PRKCQ: variants seen among roughly 807,000 people sequenced by gnomAD.
PRKCQ encodes protein kinase C theta.
PRKCQ carries 41 observed loss-of-function variants against 91.2 expected under a neutral mutation model. The observed-to-expected ratio is 0.45, with a 90% CI of 0.35 to 0.58. PRKCQ has a LOEUF of 0.58. PRKCQ is among the 20% of genes least tolerant of loss of function. The pLI, the probability that PRKCQ is intolerant of heterozygous loss-of-function variation, is 0.00. For missense variants in PRKCQ, 673 were observed against 896.5 expected (o/e 0.75, Z 3.18); for synonymous variants, 307 against 316.9 (o/e 0.97, Z 0.33).
chr10:6,456,572 G>T, intron 15 of PRKCQ, 102 bp downstream of exon 15: 1 of 1,431,040 alleles, frequency 7.0e-7, no homozygotes, highest in Non-Finnish European at 9.4e-7. Context: ...TACAAATCTT[G>T]AATGAAGATA....
chr10:6,562,601 C>A (rs2130958061), intron 1 of PRKCQ, among the ~76,000 whole-genome samples: 1 of 152,304 alleles, frequency 6.6e-6, no homozygotes, highest in African/African-American at 2.4e-5. Flanking sequence ...TCAAAACCCA[C>A]TTCTCAGAAT....
chr10:6,453,279 C>A (rs540527676), intron 15 of PRKCQ, among the ~76,000 whole-genome samples: 4 of 152,254 alleles, frequency 2.6e-5, no homozygotes, highest in Non-Finnish European at 5.9e-5. Context: ...AGACACTTCT[C>A]AAAAGAAGAC....
chr10:6,556,216 G>A (rs561142857), intron 1 of PRKCQ, among the ~76,000 whole-genome samples: 30 of 152,204 alleles, frequency 2.0e-4, no homozygotes, highest in Non-Finnish European at 3.7e-4. Flanking sequence ...GATCACTTGA[G>A]GCCAGGGGTT....
chr10:6,485,890 G>A, intron 9 of PRKCQ, 145 bp downstream of exon 9: 2 of 626,244 alleles, frequency 3.2e-6, no homozygotes, highest in Non-Finnish European at 2.8e-6. Flanking sequence ...GTGTGGGCAT[G>A]GATATGAAAG....
the PRKCQ span, among the ~76,000 whole-genome samples, chr10:6,397,720 T>C: frequency 2.6e-5 from 4 of 152,150 alleles, no homozygotes; most frequent in Non-Finnish European, 2.9e-5. Flanking sequence ...AGGTCAGAGT[T>C]TGAGACCAGC....
At chr10:6,456,560 G>C (rs998805847) in intron 15 of PRKCQ, 114 bp downstream of exon 15, 2 of 1,369,878 alleles carry the variant, frequency 1.5e-6, no homozygotes, top group African/African-American at 2.9e-5. Context: ...TAAGAAAACA[G>C]GTACAAATCT....
chr10:6,469,574 T>C (rs1835854437), intron 12 of PRKCQ, among the ~76,000 whole-genome samples: 1 of 152,178 alleles, frequency 6.6e-6, no homozygotes, highest in Admixed American at 6.5e-5. Flanking sequence ...ATTTTCCAAT[T>C]AAATAAGTTG....
intron 12 of PRKCQ, among the ~76,000 whole-genome samples, chr10:6,467,389 C>CAGAG (rs1160599680): frequency 0.044 from 1,207 of 27,678 alleles, 184 homozygotes; most frequent in Middle Eastern, 0.068. Context: ...GAGAGACAGA[C>CAGAG]AGAGAGAGAG....
intron 16 of PRKCQ, among the ~76,000 whole-genome samples, chr10:6,435,979 T>C (rs1402469677): frequency 1.3e-5 from 2 of 152,152 alleles, no homozygotes; most frequent in Non-Finnish European, 2.9e-5. Context: ...TGGGCATTGG[T>C]GGCATGCACC....
chr10:6,481,966 ATT>A (rs1459777963), intron 11 of PRKCQ, among the ~76,000 whole-genome samples: 1 of 150,740 alleles, frequency 6.6e-6, no homozygotes, highest in African/African-American at 2.4e-5. Flanking sequence ...AATTTCTTAA[ATT>A]ATCTCTTCTT....
At chr10:6,432,376 T>C (rs1453089625) in intron 16 of PRKCQ, among the ~76,000 whole-genome samples, 1 of 152,032 alleles carries the variant, frequency 6.6e-6, no homozygotes, top group Admixed American at 6.6e-5. Context: ...TAAAGTGAAG[T>C]TTTTTCGCTT....
chr10:6,576,971 TTC>T lies in PRKCQ; in HGVS notation c.-10+3238_-10+3239del, dbSNP rs1347638927. Reference sequence around the variant, plus strand: ...TAATGCCTCTTACATATAAATAAAATTCTGAGTATGATATACAGCACATAAAT... The same window carrying T: ...TAATGCCTCTTACATATAAATAAAATTGAGTATGATATACAGCACATAAAT... On this transcript the variant is annotated intron_variant, in intron 1 of 17. Coordinates refer to ENST00000263125, the MANE Select transcript of PRKCQ (RefSeq NM_006257.5). The surrounding 1 kb of genome is among the most constrained non-coding windows in gnomAD (Gnocchi z 4.2). 1.3e-5 allele frequency among the ~76,000 whole-genome samples: 2 copies of T among 152,164 alleles called. No individual in the cohort carries two copies. Among genetic ancestry groups the T allele is most frequent in the Admixed American group, 6.5e-5 (1 of 15,282 alleles).
rs1486204222 is a variant in PRKCQ at position 6,497,822 on chromosome 10, T to G, written c.543-571A>C. Reference sequence around the variant, plus strand: ...ACACAGGAGCTGTGCTTTAACAGTTTCTGCAGTAGCCTAAAGGGAAGAGTA... The same window carrying G: ...ACACAGGAGCTGTGCTTTAACAGTTGCTGCAGTAGCCTAAAGGGAAGAGTA... On this transcript the variant is annotated intron_variant, in intron 5 of 17. Transcript: ENST00000263125. This position sits in a 1 kb window ranked among gnomAD's most constrained non-coding sequence, Gnocchi z 4.5. Among the ~76,000 whole-genome samples, 2 of 152,232 alleles carry G rather than the reference T, an allele frequency of 1.3e-5. No individual in the cohort carries two copies. The highest frequency in any genetic ancestry group is 6.5e-5 in the Admixed American group (1 of 15,284).
chr10:6,413,931 C>T, the PRKCQ span, among the ~76,000 whole-genome samples: 1 of 152,190 alleles, frequency 6.6e-6, no homozygotes, highest in Admixed American at 6.5e-5. Context: ...ATTTGCCTTC[C>T]CACCAGAAAC....
intron 1 of PRKCQ, among the ~76,000 whole-genome samples, chr10:6,530,457 A>T (rs1249153858): frequency 2.6e-5 from 4 of 152,240 alleles, no homozygotes; most frequent in Non-Finnish European, 5.9e-5. Context: ...CTCAGTCCGC[A>T]GTGAGCTAAC....
At chr10:6,400,997 T>A in the PRKCQ span, among the ~76,000 whole-genome samples, 1 of 152,220 alleles carries the variant, frequency 6.6e-6, no homozygotes, top group South Asian at 2.1e-4. Context: ...TGTTGGAACT[T>A]TATTCTGAGC....
chr10:6,483,307 G>C, intron 11 of PRKCQ, 133 bp downstream of exon 11: 1 of 1,178,178 alleles, frequency 8.5e-7, no homozygotes, highest in Non-Finnish European at 1.2e-6. Flanking sequence ...TTTATTCAGC[G>C]CTCCCTCAGG....
At chr10:6,407,577 GTGAT>G in the PRKCQ span, among the ~76,000 whole-genome samples, 2 of 151,970 alleles carry the variant, frequency 1.3e-5, no homozygotes, top group East Asian at 1.9e-4. This position sits in a 1 kb window ranked among gnomAD's most constrained non-coding sequence, Gnocchi z 4.0. Flanking sequence ...GTGTGAATGT[GTGAT>G]TGTGTGTGGT....
At chr10:6,507,415 G>C in intron 4 of PRKCQ, 21 bp downstream of exon 4, 1 of 1,607,804 alleles carries the variant, frequency 6.2e-7, no homozygotes, top group Admixed American at 1.7e-5. Context: ...CCCCCAAACA[G>C]GAAGAAGAAA....
Sources: allele counts gnomAD v4.1 joint callset (sites outside exome capture counted in the v4.1 genomes callset), GRCh38; gene constraint gnomAD v4.1.1; non-coding constraint Gnocchi (gnomAD v3.1); transcripts MANE v1.5; gene names NCBI Gene and HGNC (gene_info 2026-07-23, HGNC 2026-07-21).